The following KRT2 variants were observed in gnomAD, a reference collection of about 807,000 sequenced individuals.
KRT2 encodes the protein keratin 2.
A neutral mutation model predicts 48.5 loss-of-function variants in KRT2; 37 were observed. That is an observed-to-expected ratio of 0.76 (90% confidence interval 0.59 to 1.00). The LOEUF is 1.00. Among genes scored for constraint, KRT2 ranks in the 50% least tolerant of loss-of-function variants. KRT2 has a pLI of 0.00. For synonymous variants in KRT2, 324 were observed against 312.2 expected (o/e 1.04, Z -0.40); for missense variants, 880 against 815.2 (o/e 1.08, Z -0.97).
intron 5 of KRT2, 147 bp from the exon 6 acceptor site, chr12:52,648,002 T>C (rs1941194346): frequency 8.0e-7 from 1 of 1,257,350 alleles, no homozygotes; most frequent in African/African-American, 1.5e-5. Flanking sequence ...AGGTAGGGAC[T>C]GTCTCACATG....
At chr12:52,649,202 A>G in intron 3 of KRT2, 100 bp from the exon 4 acceptor site, 1 of 798,350 alleles carries the variant, frequency 1.3e-6, no homozygotes, top group Admixed American at 1.8e-5. Context: ...CTCCTCTCTA[A>G]AATCCCAGGC....
chr12:52,647,754 C>A lies in KRT2; in HGVS notation c.1224G>T (p.Gly408=), dbSNP rs1421609885. The A allele has an allele frequency of 1.2e-6, 2 of 1,613,964 alleles. No individual in the cohort carries two copies. The highest frequency in any genetic ancestry group is 1.7e-6 in the Non-Finnish European group (2 of 1,179,950). The change falls in exon 6 of 9, where the codon GGG becomes GGT. Residue 408 remains glycine, a synonymous_variant. Transcript: ENST00000309680. ...ELNRVIQRLQ[G]EIAHVKKQCK... is the part of the protein sequence containing the mutation. ...CCTGCTTCTTCACATGTGCGATCTC[C>A]CCCTGCAGCCTCTGGATCACGCGGT... is the stretch of plus-strand genomic sequence containing the variant.
chr12:52,648,275 G>A lies in KRT2; in HGVS notation c.1020C>T (p.Ser340=). 1 of 1,614,050 alleles carries A rather than the reference G, an allele frequency of 6.2e-7. No homozygotes were observed. The highest frequency in any genetic ancestry group is 8.5e-7 in the Non-Finnish European group (1 of 1,179,918). ...DTNVILSMDN[S]RNLDLDSIIA... The stretch of plus-strand genomic sequence containing the variant: ...TGATGCTATCCAAGTCCAGGTTGCG[G>A]CTGTTGTCCATGGAGAGGATGACGT... The change falls in exon 5 of 9, where the codon AGC becomes AGT. Residue 340 remains serine, a synonymous_variant. Transcript: ENST00000309680.
chr12:52,647,777 G>A lies in KRT2; in HGVS notation c.1201C>T (p.Arg401Cys), dbSNP rs761588912. ...EIKIEISELN[R>C]VIQRLQGEIA... Reference sequence around the variant, plus strand: ...TCCCCCTGCAGCCTCTGGATCACGCGGTTCAGCTCGCTGATCTCTATCTTG... The same window carrying A: ...TCCCCCTGCAGCCTCTGGATCACGCAGTTCAGCTCGCTGATCTCTATCTTG... Residue 401 changes from arginine (R) to cysteine (C), a missense_variant, in exon 6 of 9, where the codon CGC (arginine) becomes TGC (cysteine). Arg to Cys is a radical substitution (Grantham distance 180, BLOSUM62 -3). Transcript: ENST00000309680. The A allele has an allele frequency of 2.4e-5, 39 of 1,613,944 alleles. No homozygotes were observed. The highest frequency in any genetic ancestry group is 1.2e-4 in the South Asian group (11 of 91,006).
Position 52,650,380 on chromosome 12 carries a change from C to A in KRT2, c.759G>T (p.Glu253Asp). ...LTAERTSQNS[E>D]LNNMQDLVED... ...CCACAAGATCCTGCATGTTATTCAGCTCTGAATTCTGTGATGTTCTTTCTG... is the reference window on the plus strand; with the variant it reads ...CCACAAGATCCTGCATGTTATTCAGATCTGAATTCTGTGATGTTCTTTCTG... The change falls in exon 2 of 9, where the codon GAG becomes GAT. Residue 253 changes from glutamate (E) to aspartate (D), a missense_variant. Physicochemically the swap from Glu to Asp is conservative, Grantham distance 45. Transcript: ENST00000309680. The A allele has an allele frequency of 6.2e-7, 1 of 1,614,236 alleles. No individual in the cohort carries two copies. Among genetic ancestry groups the A allele is most frequent in the Non-Finnish European group, 8.5e-7 (1 of 1,180,026 alleles).
At chr12:52,650,600 C>G (rs769480322) in intron 1 of KRT2, 47 bp from the exon 2 acceptor site, 1 of 1,535,814 alleles carries the variant, frequency 6.5e-7, no homozygotes, top group South Asian at 1.1e-5. Flanking sequence ...TCATCCTTCA[C>G]ACCAAGCAAG....
chr12:52,645,407 T>C lies in KRT2; in HGVS notation c.1532A>G (p.Asn511Ser), dbSNP rs968634391. ...VSVTSSTISS[N>S]VASKAAFGGS... Reference sequence around the variant, plus strand: ...TCCAAAGGCAGCCTTGGATGCCACATTTGATGAAATGGTGCTGCTTGTCAC... The same window carrying C: ...TCCAAAGGCAGCCTTGGATGCCACACTTGATGAAATGGTGCTGCTTGTCAC... Residue 511 changes from asparagine (N) to serine (S), a missense_variant, in exon 9 of 9, where the codon AAT (asparagine) becomes AGT (serine). Transcript: ENST00000309680. 13 of 1,614,196 alleles carry C rather than the reference T, an allele frequency of 8.1e-6. No homozygotes were observed. Among genetic ancestry groups the C allele is most frequent in the Non-Finnish European group, 1.1e-5 (13 of 1,180,032 alleles).
chr12:52,649,169 C>T, intron 3 of KRT2, 67 bp from the exon 4 acceptor site: 1 of 956,966 alleles, frequency 1.0e-6, no homozygotes, highest in South Asian at 1.3e-5. Flanking sequence ...CTCTGCCACT[C>T]CCCTCTACTC....
chr12:52,649,105 G>A lies in KRT2; in HGVS notation c.862-3C>T, dbSNP rs753143857. 8 of 1,600,430 alleles carry A rather than the reference G, an allele frequency of 5.0e-6. No homozygotes were observed. Among genetic ancestry groups the A allele is most frequent in the Non-Finnish European group, 6.8e-6 (8 of 1,167,898 alleles). ...ATCATGTAGGCATTGTCCACGTCCT[G>A]CAAGAAAGGTTGAGGCCTCTGGTGT... On this transcript the variant is annotated splice_region_variant and splice_polypyrimidine_tract_variant and intron_variant, in intron 3 of 8. Transcript: ENST00000309680.
intron 6 of KRT2, 126 bp downstream of exon 6, chr12:52,647,604 C>T (rs373110025): frequency 1.2e-5 from 13 of 1,118,432 alleles, no homozygotes; most frequent in Middle Eastern, 2.8e-4. Context: ...AATTTGGGAT[C>T]GATACATGCT....
chr12:52,647,846 G>C lies in KRT2; in HGVS notation c.1132C>G (p.Leu378Val). 2 of 1,614,152 alleles carry C rather than the reference G, an allele frequency of 1.2e-6. No individual in the cohort carries two copies. The highest frequency in any genetic ancestry group is 1.7e-6 in the Non-Finnish European group (2 of 1,180,016). ...CCATGTCTCCCGACAGTCACCTGGA[G>C]CTCCTCATACTGATATGGGGAGAAG... ...EALYHSKYEE[L>V]QVTVGRHGDS... is the part of the protein sequence containing the mutation. Residue 378 changes from leucine (L) to valine (V), a missense_variant, in exon 6 of 9, where the codon CTC becomes GTC. Leu to Val is a conservative substitution (Grantham distance 32). Transcript: ENST00000309680.
rs571715884 is a variant in KRT2 at position 52,644,898 on chromosome 12, G to A, written c.*121C>T. The A allele has an allele frequency of 2.0e-6, 2 of 1,010,234 alleles. No individual in the cohort carries two copies. Among genetic ancestry groups the A allele is most frequent in the Admixed American group, 2.1e-5 (1 of 46,920 alleles). 62.6% of individuals were successfully genotyped at this position (1,010,234 alleles called of 1,614,324 possible). On this transcript the variant is annotated 3_prime_UTR_variant, in exon 9 of 9. Transcript: ENST00000309680. Reference sequence around the variant, plus strand: ...TGTGGACATTCTTTTCCCTCAAAGTGCCATCAGAGATAAATGACAAAAATT... The same window carrying A: ...TGTGGACATTCTTTTCCCTCAAAGTACCATCAGAGATAAATGACAAAAATT...
chr12:52,645,064 G>A lies in KRT2; in HGVS notation c.1875C>T (p.Ser625=). The A allele has an allele frequency of 1.2e-6, 2 of 1,614,034 alleles. No individual in the cohort carries two copies. The highest frequency in any genetic ancestry group is 1.7e-6 in the Non-Finnish European group (2 of 1,179,994). Residue 625 remains serine (S), a synonymous_variant, in exon 9 of 9, where the codon AGC becomes AGT. Transcript: ENST00000309680. ...GGGGSSSVKG[S]SGEAFGSSVT... ...CGCTGGAACCAAAAGCTTCACCTGA[G>A]CTACCCTTTACAGAGCTAGAACCCC...
rs573176948 is a variant in KRT2, at chr12:52,649,010, A to G, written c.954T>C (p.Asp318=). ...TGTCCCGGAGCAGCCTCCTTACCGC[A>G]TCATAGAGAACTTTCAGAAACTCAA... The part of the protein sequence containing the change: ...QEIEFLKVLY[D]AEISQIHQSV... Residue 318 remains aspartate (D), a synonymous_variant, in exon 4 of 9, where the codon GAT becomes GAC. Transcript: ENST00000309680. 283 of 1,595,836 alleles carry G rather than the reference A, an allele frequency of 1.8e-4. 3 individuals carry two copies. The South Asian group carries it at 2.6e-3, about 15-fold the overall frequency.
At position 52,646,621 on chromosome 12, in the gene KRT2, C is replaced by T; in HGVS notation, c.1469+119G>A. 4.7e-6 allele frequency: 5 copies of T among 1,057,192 alleles called. No homozygotes were observed. The South Asian group carries it at 6.4e-5, about 14-fold the overall frequency. 65.5% of individuals were successfully genotyped at this position (1,057,192 alleles called of 1,614,324 possible). On this transcript the variant is annotated intron_variant, in intron 7 of 8. Coordinates refer to ENST00000309680, the MANE Select transcript of KRT2 (RefSeq NM_000423.3). Reference sequence around the variant, plus strand: ...TTGGGGAACACAGAGAATGTCAGTTCTCAGTTGTCAGGAGGGCCTGCCCCA... The same window carrying T: ...TTGGGGAACACAGAGAATGTCAGTTTTCAGTTGTCAGGAGGGCCTGCCCCA...
In KRT2 at chr12:52,651,990, C is replaced by G; in HGVS notation, c.153G>C (p.Gly51=). 6.2e-7 allele frequency: 1 copy of G among 1,607,564 alleles called. No individual in the cohort carries two copies. The highest frequency in any genetic ancestry group is 2.2e-5 in the East Asian group (1 of 44,870). The change falls in exon 1 of 9, where the codon GGG becomes GGC. Residue 51 remains glycine, a synonymous_variant. Transcript: ENST00000309680. Reference sequence around the variant, plus strand: ...TGCCAAAGCCGCCTCCACCGAAGCCCCCGCCACCACCACCATGGCGGCTCA... The same window carrying G: ...TGCCAAAGCCGCCTCCACCGAAGCCGCCGCCACCACCACCATGGCGGCTCA... The part of the protein sequence containing the change: ...SCLSRHGGGG[G]GFGGGGFGSR...
At chr12:52,648,746 G>A (rs1292012636) in intron 4 of KRT2, among the ~76,000 whole-genome samples, 1 of 152,168 alleles carries the variant, frequency 6.6e-6, no homozygotes, top group Admixed American at 6.5e-5. Flanking sequence ...CTCTTCCCCA[G>A]GGGAAATGGA....
intron 4 of KRT2, among the ~76,000 whole-genome samples, chr12:52,648,801 A>T (rs1941206510): frequency 6.6e-6 from 1 of 152,080 alleles, no homozygotes; most frequent in Non-Finnish European, 1.5e-5. Context: ...GTGTTTCCTG[A>T]ACCTTATTCC....
chr12:52,649,885 A>AC, intron 3 of KRT2, 29 bp downstream of exon 3: 1 of 1,587,950 alleles, frequency 6.3e-7, no homozygotes, highest in Non-Finnish European at 8.6e-7. Flanking sequence ...TCCTATCCCC[A>AC]CCCCCAGCCA....
Sources: allele counts gnomAD v4.1 joint callset (sites outside exome capture counted in the v4.1 genomes callset), GRCh38; gene constraint gnomAD v4.1.1; transcripts MANE v1.5; gene names NCBI Gene and HGNC (gene_info 2026-07-23, HGNC 2026-07-21).